The following NPAS4 variants were observed in gnomAD, a reference collection of about 807,000 sequenced individuals.
The protein encoded by NPAS4 is neuronal PAS domain protein 4.
NPAS4 carries 10 observed loss-of-function variants against 64.0 expected under a neutral mutation model. The observed-to-expected ratio is 0.16, with a 90% CI of 0.10 to 0.26. The LOEUF (loss-of-function observed/expected upper bound fraction) is 0.26. Ranked by LOEUF, NPAS4 falls within the 10% of genes least tolerant of loss-of-function variation. NPAS4 has a pLI of 1.00. For missense variants in NPAS4, 886 were observed against 992.6 expected (o/e 0.89, Z 1.44); for synonymous variants, 441 against 411.7 (o/e 1.07, Z -0.86).
At chr11:66,417,476 C>T (rs577090788), upstream of NPAS4, among the ~76,000 whole-genome samples, 409 of 152,216 alleles carry the variant, frequency 2.7e-3, no homozygotes, top group African/African-American at 9.2e-3. Flanking sequence ...TGTGGGGCTC[C>T]TTTCCTCCAT....
chr11:66,412,238 A>G, the NPAS4 span, among the ~76,000 whole-genome samples: 4 of 152,280 alleles, frequency 2.6e-5, no homozygotes, highest in Non-Finnish European at 5.9e-5. Flanking sequence ...GCTGAGCACC[A>G]GAAGGGTGTG....
rs1590695260 is a variant in NPAS4 at position 66,423,687 on chromosome 11, C to T, written c.918C>T (p.Pro306=). 1 of 1,613,994 alleles carries T rather than the reference C, an allele frequency of 6.2e-7. No individual in the cohort carries two copies. The highest frequency in any genetic ancestry group is 8.5e-7 in the Non-Finnish European group (1 of 1,180,030). The change falls in exon 6 of 8, where the codon CCC becomes CCT. Residue 306 remains proline, a synonymous_variant. Transcript: ENST00000311034. ...TATACTCAGAAGGTCCAGAGGGACC[C>T]ATTACTGCCAATAACTACCCAATCA... ...CLLYSEGPEG[P]ITANNYPISD...
the NPAS4 span, chr11:66,410,420 G>A: frequency 5.3e-5 from 8 of 152,296 alleles, no homozygotes; most frequent in Admixed American, 2.0e-4. Flanking sequence ...ACCTTGAATG[G>A]TGCTTTAACA....
chr11:66,417,965 AAC>A (rs1397559761), upstream of NPAS4, among the ~76,000 whole-genome samples: 1 of 152,048 alleles, frequency 6.6e-6, no homozygotes, highest in African/African-American at 2.4e-5. Context: ...AGGACACACA[AAC>A]ACAGTCTCAG....
chr11:66,426,089 A>G lies in NPAS4; in HGVS notation c.*100A>G. On this transcript the variant is annotated 3_prime_UTR_variant, in exon 8 of 8. Coordinates refer to ENST00000311034, the MANE Select transcript of NPAS4 (RefSeq NM_178864.4). ...GACTGTTGGGGGGATTCTGAGGGCCAGAGGGGGATATATATGATTCCCCAG... is the reference window on the plus strand; with the variant it reads ...GACTGTTGGGGGGATTCTGAGGGCCGGAGGGGGATATATATGATTCCCCAG... 1 of 655,526 alleles carries G rather than the reference A, an allele frequency of 1.5e-6. No homozygotes were observed. Among genetic ancestry groups the G allele is most frequent in the Non-Finnish European group, 2.7e-6 (1 of 376,072 alleles). 40.6% of individuals were successfully genotyped at this position (655,526 alleles called of 1,614,324 possible). A position where few individuals can be genotyped will look rare whatever the true frequency, so the allele number is the denominator to read the frequency against.
the NPAS4 span, among the ~76,000 whole-genome samples, chr11:66,413,156 G>A: frequency 2.6e-5 from 4 of 152,334 alleles, no homozygotes; most frequent in African/African-American, 7.2e-5. Context: ...TGGGGTGCCT[G>A]CAAACCTGTA....
Position 66,424,080 on chromosome 11 carries a change from T to C in NPAS4, c.1190T>C (p.Leu397Pro), listed in dbSNP as rs1179477462. ...GAGCTTCCCCGACCCTCCAAAGAAC[T>C]GGACTTCAGTTACCTGACATTCCCT... ...SEELPRPSKE[L>P]DFSYLTFPSG... Residue 397 changes from leucine (L) to proline (P), a missense_variant, in exon 7 of 8, where the codon CTG becomes CCG. Transcript: ENST00000311034. 1 of 1,614,086 alleles carries C rather than the reference T, an allele frequency of 6.2e-7. No homozygotes were observed. Among genetic ancestry groups the C allele is most frequent in the Non-Finnish European group, 8.5e-7 (1 of 1,180,010 alleles).
upstream of NPAS4, among the ~76,000 whole-genome samples, chr11:66,420,239 G>C (rs568918300): frequency 1.3e-5 from 2 of 152,376 alleles, no homozygotes; most frequent in South Asian, 4.1e-4. Flanking sequence ...TTAGCTGAGA[G>C]GGAAACCACG....
At chr11:66,410,399 C>T in the NPAS4 span, 1 of 152,298 alleles carries the variant, frequency 6.6e-6, no homozygotes, top group African/African-American at 2.4e-5. Context: ...CTCCCAGCGC[C>T]TAGCTCTGGG....
At position 66,425,014 on chromosome 11, in the gene NPAS4, G is replaced by A. The variant is rs368381686; in HGVS notation, c.2124G>A (p.Thr708=). The change falls in exon 7 of 8, where the codon ACG becomes ACA. Residue 708 remains threonine, a synonymous_variant. Coordinates refer to ENST00000311034, the MANE Select transcript of NPAS4 (RefSeq NM_178864.4). ...CTGATAACATGTTCCTGGAAGAGAC[G>A]CCCGTGGAAGACATCTTCATGGATC... ...ADPDNMFLEE[T]PVEDIFMDLS... is the part of the protein sequence containing the mutation. 15 of 1,613,802 alleles carry A rather than the reference G, an allele frequency of 9.3e-6. No individual in the cohort carries two copies. Among genetic ancestry groups the A allele is most frequent in the African/African-American group, 8.0e-5 (6 of 74,906 alleles).
chr11:66,422,615 T>C, intron 3 of NPAS4, 59 bp from the exon 4 acceptor site: 1 of 1,602,242 alleles, frequency 6.2e-7, no homozygotes, highest in South Asian at 1.1e-5. Context: ...CTCCCCACCA[T>C]CCACTGTCTC....
rs372283633 is a variant in NPAS4 at position 66,425,058 on chromosome 11, G to A, written c.2168G>A (p.Ser723Asn). ...ATGGATCTCTCTACCCCAGATCCCA[G>A]TGAGGAATGGGGCTCAGGGGATCCT... Reference protein sequence around the residue: ...IFMDLSTPDPSEEWGSGDPEA... With the variant: ...IFMDLSTPDPNEEWGSGDPEA... Residue 723 changes from serine (S) to asparagine (N), a missense_variant, in exon 7 of 8, where the codon AGT becomes AAT. Physicochemically the swap from Ser to Asn is conservative, Grantham distance 46. Transcript: ENST00000311034. 1.9e-6 allele frequency: 3 copies of A among 1,609,976 alleles called. No individual in the cohort carries two copies. Among genetic ancestry groups the A allele is most frequent in the African/African-American group, 2.7e-5 (2 of 74,786 alleles).
the NPAS4 span, among the ~76,000 whole-genome samples, chr11:66,412,795 C>T: frequency 2.0e-5 from 3 of 152,194 alleles, no homozygotes; most frequent in African/African-American, 7.2e-5. Context: ...AGGCAGGACT[C>T]AGCCCAGATT....
chr11:66,424,001 A>G lies in NPAS4; in HGVS notation c.1111A>G (p.Arg371Gly), dbSNP rs983877663. Reference protein sequence around the residue: ...PLFTAALGAPRSTSFPSAPEL... With the variant: ...PLFTAALGAPGSTSFPSAPEL... ...CTTCACCGCAGCACTGGGGGCTCCC[A>G]GAAGCACCAGCTTCCCCAGTGCTCC... Residue 371 changes from arginine (R) to glycine (G), a missense_variant, in exon 7 of 8, where the codon AGA becomes GGA. By Grantham distance (125) the Arg-to-Gly change is moderately radical (BLOSUM62 -2). This residue lies in a region of NPAS4 where 820 missense variants were observed against 855.5 expected (regional missense o/e 0.96). Transcript: ENST00000311034. 2 of 1,614,048 alleles carry G rather than the reference A, an allele frequency of 1.2e-6. No individual in the cohort carries two copies. Among genetic ancestry groups the G allele is most frequent in the African/African-American group, 2.7e-5 (2 of 74,898 alleles).
At chr11:66,409,753 ATGG>A in the NPAS4 span, 1 of 152,276 alleles carries the variant, frequency 6.6e-6, no homozygotes, top group African/African-American at 2.4e-5. Context: ...GGCATTCCTT[ATGG>A]TTGAGCATAG....
At chr11:66,421,806 T>C (rs562623769) in intron 1 of NPAS4, among the ~76,000 whole-genome samples, 1 of 152,210 alleles carries the variant, frequency 6.6e-6, no homozygotes, top group Non-Finnish European at 1.5e-5. Context: ...TGTCCATGGT[T>C]CTGAACCCAC....
In NPAS4 at chr11:66,423,615, G is replaced by A. The variant is rs1207751480; in HGVS notation, c.846G>A (p.Val282=). ...GAGATATTCAGGCAGAGATGGTGGT[G>A]AGGCTACAGGCCAAGACTGGAGGCT... is the stretch of plus-strand genomic sequence containing the variant. ...ESGDIQAEMV[V]RLQAKTGGWA... The change falls in exon 6 of 8, where the codon GTG becomes GTA. Residue 282 remains valine, a synonymous_variant. Coordinates refer to ENST00000311034, the MANE Select transcript of NPAS4 (RefSeq NM_178864.4). 11 of 1,614,176 alleles carry A rather than the reference G, an allele frequency of 6.8e-6. No individual in the cohort carries two copies. Among genetic ancestry groups the A allele is most frequent in the Non-Finnish European group, 9.3e-6 (11 of 1,180,024 alleles).
chr11:66,412,382 C>T, the NPAS4 span, among the ~76,000 whole-genome samples: 3 of 152,212 alleles, frequency 2.0e-5, no homozygotes, highest in African/African-American at 7.2e-5. Context: ...TCCACTTCTC[C>T]AGGCTGCAGC....
At position 66,423,915 on chromosome 11, in the gene NPAS4, T is replaced by C. The variant is rs913940638; in HGVS notation, c.1025T>C (p.Met342Thr). 15 of 1,613,958 alleles carry C rather than the reference T, an allele frequency of 9.3e-6. No homozygotes were observed. The highest frequency in any genetic ancestry group is 1.3e-5 in the Non-Finnish European group (15 of 1,179,986). The change falls in exon 7 of 8, where the codon ATG becomes ACG. Residue 342 changes from methionine to threonine, a missense_variant. Physicochemically the swap from Met to Thr is moderately conservative, Grantham distance 81. Around this residue, in one of 3 missense-constraint regions of NPAS4, gnomAD observed 820 missense variants for 855.5 expected, o/e 0.96. Coordinates refer to ENST00000311034, the MANE Select transcript of NPAS4 (RefSeq NM_178864.4). ...QAAYVLGTPTMLPSFPENILS... is the reference protein window; with the variant it reads ...QAAYVLGTPTTLPSFPENILS... ...GCTTATGTCCTGGGCACTCCGACCA[T>C]GCTGCCCTCATTCCCTGAAAACATT... is the stretch of plus-strand genomic sequence containing the variant.
Sources: gnomAD v4.1 joint callset for allele counts (sites outside exome capture counted in the v4.1 genomes callset) on GRCh38, gnomAD v4.1.1 for gene constraint, gnomAD v4.1.1 regional missense constraint, MANE v1.5 for transcripts, NCBI Gene and HGNC (gene_info 2026-07-23, HGNC 2026-07-21) for gene names.